Variants in EXT1 observed in about 807,000 individuals in gnomAD.
EXT1 encodes the protein exostosin-1.
EXT1 carries 20 observed loss-of-function variants against 82.5 expected under a neutral mutation model. The ratio of observed to expected loss-of-function variants is 0.24; its 90% CI spans 0.17 to 0.35. EXT1 has a LOEUF of 0.35. EXT1 is among the 10% of genes least tolerant of loss of function. EXT1 has a pLI of 1.00. For synonymous variants in EXT1, 348 were observed against 350.8 expected, an observed-to-expected ratio of 0.99 and a Z score of 0.09; for missense variants, 757 against 936.5, an observed-to-expected ratio of 0.81 and a Z score of 2.50.
At chr8:117,801,374 A>G (rs1165846807) in intron 10 of EXT1, among the ~76,000 whole-genome samples, 1 of 152,236 alleles carries the variant, frequency 6.6e-6, no homozygotes, top group Non-Finnish European at 1.5e-5. Flanking sequence ...TTCAGCCTTT[A>G]TATGAGGGGA....
chr8:117,954,295 CG>C (rs1586306672), intron 1 of EXT1, among the ~76,000 whole-genome samples: 1 of 152,244 alleles, frequency 6.6e-6, no homozygotes, highest in East Asian at 1.9e-4. Flanking sequence ...AGTCCACTAA[CG>C]GGTTCCAGGA....
chr8:117,799,574 T>C lies in EXT1; in HGVS notation c.*138A>G, dbSNP rs1335618382. On this transcript the variant is annotated 3_prime_UTR_variant, in exon 11 of 11. Transcript: ENST00000378204. ...AGTTGAGTTCTCATTGGCCTTTTTT[T>C]TTTTGTCATTCTGCTCATCTAAGTT... The C allele has an allele frequency of 6.1e-6, 6 of 987,618 alleles. No homozygotes were observed. Among genetic ancestry groups the C allele is most frequent in the Non-Finnish European group, 9.2e-6 (6 of 654,336 alleles). 61.2% of individuals were successfully genotyped at this position (987,618 alleles called of 1,614,324 possible). A position where few individuals can be genotyped will look rare whatever the true frequency, so the allele number is the denominator to read the frequency against.
At chr8:117,915,194 G>A (rs574274498) in intron 1 of EXT1, among the ~76,000 whole-genome samples, 9 of 152,170 alleles carry the variant, frequency 5.9e-5, no homozygotes, top group African/African-American at 1.7e-4. Flanking sequence ...TATTGGGGGC[G>A]GGTTCCCCTG....
chr8:117,930,603 A>G (rs1352057551), intron 1 of EXT1, among the ~76,000 whole-genome samples: 4 of 152,196 alleles, frequency 2.6e-5, no homozygotes, highest in African/African-American at 9.7e-5. Context: ...TTTTAAATAC[A>G]TATTTCTATA....
intron 1 of EXT1, among the ~76,000 whole-genome samples, chr8:117,968,066 T>A (rs1300823019): frequency 1.3e-5 from 2 of 152,252 alleles, no homozygotes; most frequent in Non-Finnish European, 2.9e-5. Flanking sequence ...CATGTATCTC[T>A]TAACATCATG....
chr8:118,015,733 A>T (rs148554032), intron 1 of EXT1, among the ~76,000 whole-genome samples: 3,720 of 152,344 alleles, frequency 0.024, 65 homozygotes, highest in Middle Eastern at 0.058. Context: ...CCTAAACCCC[A>T]GCACCTCAGC....
intron 1 of EXT1, among the ~76,000 whole-genome samples, chr8:117,905,608 C>G (rs990936679): frequency 6.6e-6 from 1 of 152,028 alleles, no homozygotes; most frequent in East Asian, 1.9e-4. Flanking sequence ...GTCAGGAGAT[C>G]GAGATCATCC....
At chr8:118,041,947 CAGAAAA>C (rs1816539581) in intron 1 of EXT1, among the ~76,000 whole-genome samples, 1 of 81,998 alleles carries the variant, frequency 1.2e-5, no homozygotes, top group Non-Finnish European at 2.3e-5. Flanking sequence ...GACTCTGCCT[CAGAAAA>C]AAAAAAAAAA....
chr8:117,979,073 G>C (rs972300426), intron 1 of EXT1, among the ~76,000 whole-genome samples: 2 of 152,168 alleles, frequency 1.3e-5, no homozygotes, highest in Admixed American at 6.5e-5. Flanking sequence ...GCAAATGCTC[G>C]GCCAGGCACG....
intron 1 of EXT1, among the ~76,000 whole-genome samples, chr8:117,989,850 A>C (rs572941489): frequency 6.6e-6 from 1 of 152,216 alleles, no homozygotes; most frequent in South Asian, 2.1e-4. Context: ...ATGCCAAAAA[A>C]ACAAATGCAC....
chr8:117,888,478 T>C (rs1347984534), intron 1 of EXT1, among the ~76,000 whole-genome samples: 1 of 152,134 alleles, frequency 6.6e-6, no homozygotes, highest in Non-Finnish European at 1.5e-5. Context: ...CCAAAGGCCA[T>C]TGCCACATAG....
At chr8:118,054,213 T>C (rs1323633647) in intron 1 of EXT1, among the ~76,000 whole-genome samples, 1 of 152,206 alleles carries the variant, frequency 6.6e-6, no homozygotes, top group Admixed American at 6.5e-5. Flanking sequence ...AGCAATGGTC[T>C]GTTGAGTATT....
intron 1 of EXT1, among the ~76,000 whole-genome samples, chr8:117,915,471 T>C (rs1454312017): frequency 4.6e-5 from 7 of 152,148 alleles, no homozygotes; most frequent in Admixed American, 3.3e-4. Flanking sequence ...AATCTCCTAC[T>C]GATAGAAATT....
intron 7 of EXT1, among the ~76,000 whole-genome samples, chr8:117,815,360 C>T (rs540668561): frequency 2.0e-5 from 3 of 152,208 alleles, no homozygotes; most frequent in Non-Finnish European, 4.4e-5. Flanking sequence ...TCTTCCTCAT[C>T]ATCTGCCCAA....
intron 1 of EXT1, among the ~76,000 whole-genome samples, chr8:118,106,300 CTGAG>C (rs1412601072): frequency 6.6e-6 from 1 of 152,132 alleles, no homozygotes; most frequent in Admixed American, 6.5e-5. Flanking sequence ...TCAAGGGTGC[CTGAG>C]AATAGAAATG....
intron 1 of EXT1, among the ~76,000 whole-genome samples, chr8:117,982,318 T>C (rs572588685): frequency 1.3e-5 from 2 of 152,278 alleles, no homozygotes; most frequent in East Asian, 1.9e-4. Flanking sequence ...CTTGCGTCCT[T>C]GCCTACGCTC....
At position 117,858,801 on chromosome 8, in the gene EXT1, AAGGCAAGGC is replaced by A. The variant is rs1239889303; in HGVS notation, c.963-21609_963-21601del. On this transcript the variant is annotated intron_variant, in intron 1 of 10. Coordinates refer to ENST00000378204, the MANE Select transcript of EXT1 (RefSeq NM_000127.3). Reference sequence around the variant, plus strand: ...GGCAGGCAGGCAGGCAAGGCAAGGCAAGGCAAGGCAGGAAGGAAGGAAGGAAGGAAGGAA... The same window carrying A: ...GGCAGGCAGGCAGGCAAGGCAAGGCAAGGAAGGAAGGAAGGAAGGAAGGAA... Among the ~76,000 whole-genome samples, 299 of 89,134 alleles carry A rather than the reference AAGGCAAGGC, an allele frequency of 3.4e-3. 31 individuals are homozygous for A. The highest frequency in any genetic ancestry group is 0.015 in the African/African-American group (281 of 18,254). 58.5% of individuals were successfully genotyped at this position (89,134 alleles called of 152,430 possible). A position where few individuals can be genotyped will look rare whatever the true frequency, so the allele number is the denominator to read the frequency against.
intron 1 of EXT1, among the ~76,000 whole-genome samples, chr8:118,089,700 C>A (rs1012077376): frequency 6.6e-6 from 1 of 152,146 alleles, no homozygotes; most frequent in Non-Finnish European, 1.5e-5. Flanking sequence ...TGGGTGTTCT[C>A]TATCTGAAAA....
At chr8:118,028,588 A>G (rs1461012229) in intron 1 of EXT1, among the ~76,000 whole-genome samples, 1 of 151,952 alleles carries the variant, frequency 6.6e-6, no homozygotes. Context: ...TTTATATATG[A>G]GTAGTTGACA....
Sources: allele counts gnomAD v4.1 joint callset (sites outside exome capture counted in the v4.1 genomes callset), GRCh38; gene constraint gnomAD v4.1.1; transcripts MANE v1.5; gene names NCBI Gene and HGNC (gene_info 2026-07-23, HGNC 2026-07-21).